The following CYSTM1 variants were observed in gnomAD, a reference collection of about 807,000 sequenced individuals.
The protein encoded by CYSTM1 is cysteine rich transmembrane module containing 1, also known as cysteine-rich transmembrane module-containing protein 1.
CYSTM1 carries 4 observed loss-of-function variants against 13.1 expected under a neutral mutation model. That is an observed-to-expected ratio of 0.31 (90% CI 0.15 to 0.70). The LOEUF (loss-of-function observed/expected upper bound fraction) is 0.70. Ranked by LOEUF, CYSTM1 falls within the 30% of genes least tolerant of loss-of-function variation. The pLI is 0.72. For missense variants in CYSTM1, 96 were observed against 121.6 expected, an observed-to-expected ratio of 0.79 and a Z score of 0.99; for synonymous variants, 36 against 42.7, an observed-to-expected ratio of 0.84 and a Z score of 0.62.
At chr5:140,227,370 G>A (rs1173725864) in intron 2 of CYSTM1, among the ~76,000 whole-genome samples, 1 of 152,168 alleles carries the variant, frequency 6.6e-6, no homozygotes, top group African/African-American at 2.4e-5. Flanking sequence ...CAGTATAGGG[G>A]TCCTCTCTGG....
chr5:140,193,897 A>G (rs1170335897), intron 1 of CYSTM1, among the ~76,000 whole-genome samples: 1 of 152,226 alleles, frequency 6.6e-6, no homozygotes, highest in Non-Finnish European at 1.5e-5. Flanking sequence ...GATCACCCCA[A>G]TCCCCAGAGC....
intron 2 of CYSTM1, among the ~76,000 whole-genome samples, chr5:140,238,339 C>T (rs1764708750): frequency 6.6e-6 from 1 of 152,212 alleles, no homozygotes; most frequent in African/African-American, 2.4e-5. Context: ...GAGGTTCCTA[C>T]CTTCTCCTAT....
chr5:140,186,388 A>G (rs1764016106), intron 1 of CYSTM1, among the ~76,000 whole-genome samples: 1 of 152,176 alleles, frequency 6.6e-6, no homozygotes, highest in Admixed American at 6.5e-5. Context: ...AGCCATTAGA[A>G]CCTAGTCAGT....
At chr5:140,202,967 A>G (rs575601382) in intron 2 of CYSTM1, 2 of 148,526 alleles carry the variant, frequency 1.3e-5, no homozygotes, top group East Asian at 2.0e-4. Context: ...ACAAGAAATT[A>G]TCTCAAATCC....
chr5:140,189,847 A>G (rs1764068776), intron 1 of CYSTM1, among the ~76,000 whole-genome samples: 1 of 152,274 alleles, frequency 6.6e-6, no homozygotes, highest in South Asian at 2.1e-4. Context: ...AAAGTCATGA[A>G]TATTTGGTAT....
chr5:140,238,458 C>T (rs1481028954), intron 2 of CYSTM1, among the ~76,000 whole-genome samples: 2 of 152,190 alleles, frequency 1.3e-5, no homozygotes, highest in African/African-American at 4.8e-5. Context: ...TCCTGGTCAT[C>T]CTTCGCCCTA....
At chr5:140,205,248 G>A (rs1386782433) in intron 2 of CYSTM1, among the ~76,000 whole-genome samples, 1 of 152,158 alleles carries the variant, frequency 6.6e-6, no homozygotes, top group African/African-American at 2.4e-5. Flanking sequence ...GTCAGAGATT[G>A]TGGGGGAGGT....
chr5:140,186,132 A>G (rs1581058436), intron 1 of CYSTM1, among the ~76,000 whole-genome samples: 1 of 99,402 alleles, frequency 1.0e-5, no homozygotes, highest in Non-Finnish European at 2.4e-5. Context: ...CAAGCCAGCT[A>G]TATAGTTCTT....
chr5:140,224,487 A>G (rs1029763577), intron 2 of CYSTM1, among the ~76,000 whole-genome samples: 1 of 152,042 alleles, frequency 6.6e-6, no homozygotes, highest in Non-Finnish European at 1.5e-5. Flanking sequence ...AAATATCTTC[A>G]CTAGAGGTTA....
rs956814635 is a variant in CYSTM1 at position 140,243,290 on chromosome 5, C to G, written c.188-15C>G. 4.3e-6 allele frequency: 7 copies of G among 1,609,704 alleles called. No homozygotes were observed. Among genetic ancestry groups the G allele is most frequent in the Non-Finnish European group, 6.0e-6 (7 of 1,176,106 alleles). Reference sequence around the variant, plus strand: ...CACCAGTCCATTCTCACCCTCTTCCCTCTTCTCCCTCCAGTGTATGTGGTA... The same window carrying G: ...CACCAGTCCATTCTCACCCTCTTCCGTCTTCTCCCTCCAGTGTATGTGGTA... On this transcript the variant is annotated splice_polypyrimidine_tract_variant and intron_variant, in intron 2 of 2. Coordinates refer to ENST00000261811, the MANE Select transcript of CYSTM1 (RefSeq NM_032412.4).
intron 2 of CYSTM1, among the ~76,000 whole-genome samples, chr5:140,229,397 A>G (rs1012936574): frequency 1.3e-5 from 2 of 151,794 alleles, no homozygotes; most frequent in Admixed American, 1.3e-4. Context: ...GGGTTTTGCC[A>G]TGTTTTCCAG....
chr5:140,198,950 C>A (rs1431680975), intron 2 of CYSTM1, among the ~76,000 whole-genome samples: 1 of 152,076 alleles, frequency 6.6e-6, no homozygotes, highest in African/African-American at 2.4e-5. Flanking sequence ...TGCTATCCCT[C>A]CCCTAGCCCC....
intron 2 of CYSTM1, among the ~76,000 whole-genome samples, chr5:140,213,918 C>T (rs1466895969): frequency 6.6e-6 from 1 of 152,198 alleles, no homozygotes; most frequent in South Asian, 2.1e-4. Flanking sequence ...CTGTATTGTA[C>T]TGTTTTGTAT....
Position 140,226,586 on chromosome 5 carries a change from T to TTATATA in CYSTM1, c.188-16698_188-16693dup, listed in dbSNP as rs549334525. On this transcript the variant is annotated intron_variant, in intron 2 of 2. Coordinates refer to ENST00000261811, the MANE Select transcript of CYSTM1 (RefSeq NM_032412.4). ...ATAAATATATATTATATACTAAATA[T>TTATATA]TATATATATATATATATATATATAT... 2.6e-3 allele frequency among the ~76,000 whole-genome samples: 193 copies of TTATATA among 75,260 alleles called. 1 individual carries two copies. Among genetic ancestry groups the TTATATA allele is most frequent in the African/African-American group, 6.5e-3 (133 of 20,508 alleles). The allele number at this position is 75,260 out of a possible 152,430, so 49.4% of individuals were successfully genotyped here.
intron 2 of CYSTM1, among the ~76,000 whole-genome samples, chr5:140,208,995 C>T (rs1160078907): frequency 2.1e-4 from 31 of 150,130 alleles, no homozygotes; most frequent in Admixed American, 4.7e-4. Flanking sequence ...GCCGAGATCA[C>T]GCCACTGCAC....
At chr5:140,229,170 A>G (rs1401211489) in intron 2 of CYSTM1, among the ~76,000 whole-genome samples, 1 of 152,064 alleles carries the variant, frequency 6.6e-6, no homozygotes, top group Non-Finnish European at 1.5e-5. Context: ...TCTGTTTTAT[A>G]GGTGTGCAAA....
intron 1 of CYSTM1, among the ~76,000 whole-genome samples, chr5:140,193,840 C>T (rs1218949677): frequency 1.3e-5 from 2 of 152,200 alleles, no homozygotes; most frequent in South Asian, 2.1e-4. Context: ...TCTCTATAAA[C>T]AGCGCTGTCC....
At chr5:140,213,465 T>C (rs1053048668) in intron 2 of CYSTM1, among the ~76,000 whole-genome samples, 2 of 152,164 alleles carry the variant, frequency 1.3e-5, no homozygotes, top group African/African-American at 4.8e-5. Flanking sequence ...TTTATAAATT[T>C]AGTATAGCCT....
chr5:140,198,461 G>A (rs537891382), intron 2 of CYSTM1, among the ~76,000 whole-genome samples: 29 of 152,294 alleles, frequency 1.9e-4, no homozygotes, highest in East Asian at 1.2e-3. Flanking sequence ...TTGCCTCCAC[G>A]AGGCCTCTCT....
Sources: allele counts gnomAD v4.1 joint callset (sites outside exome capture counted in the v4.1 genomes callset), GRCh38; gene constraint gnomAD v4.1.1; transcripts MANE v1.5; gene names NCBI Gene and HGNC (gene_info 2026-07-23, HGNC 2026-07-21).